The following OSBPL6 variants were observed in gnomAD, a reference collection of about 807,000 sequenced individuals.
OSBPL6 encodes the protein oxysterol-binding protein-related protein 6.
Under a neutral mutation model 125.8 loss-of-function variants are expected in OSBPL6, and 49 were observed. That is an observed-to-expected ratio of 0.39 (90% confidence interval 0.31 to 0.49). The LOEUF is 0.49. Among genes scored for constraint, OSBPL6 ranks in the 20% least tolerant of loss-of-function variants. OSBPL6 has a pLI of 0.88. For synonymous variants in OSBPL6, 394 were observed against 391.8 expected, an observed-to-expected ratio of 1.01 and a Z score of -0.07; for missense variants, 986 against 1,135.4, an observed-to-expected ratio of 0.87 and a Z score of 1.89.
In OSBPL6 at chr2:178,401,579, A is replaced by G. The variant is rs914401477; in HGVS notation, c.*6020A>G. 9 of 152,254 alleles carry G rather than the reference A, an allele frequency of 5.9e-5. No homozygotes were observed. Among genetic ancestry groups the G allele is most frequent in the Admixed American group, 3.3e-4 (5 of 15,294 alleles). The allele number at this position is 152,254 out of a possible 1,614,324, so 9.4% of individuals were successfully genotyped here. A position where few individuals can be genotyped will look rare whatever the true frequency, so the allele number is the denominator to read the frequency against. On this transcript the variant is annotated 3_prime_UTR_variant, in exon 25 of 25. Coordinates refer to ENST00000190611, the MANE Select transcript of OSBPL6 (RefSeq NM_032523.4). ...AATGGTTAACATGAAATGCTAATGAAGAAACAAGGCAAGAATGAATACAAG... is the reference window on the plus strand; with the variant it reads ...AATGGTTAACATGAAATGCTAATGAGGAAACAAGGCAAGAATGAATACAAG...
intron 1 of OSBPL6, among the ~76,000 whole-genome samples, chr2:178,235,398 CTTTTTTTTTTT>C (rs540269327): frequency 1.3e-5 from 1 of 78,040 alleles, no homozygotes; most frequent in Non-Finnish European, 2.4e-5. Flanking sequence ...CTTTTCTTTT[CTTTTTTTTTTT>C]TTTTTTTTTT....
chr2:178,229,326 T>G (rs1045944331), intron 1 of OSBPL6, among the ~76,000 whole-genome samples: 1 of 152,176 alleles, frequency 6.6e-6, no homozygotes, highest in Non-Finnish European at 1.5e-5. Flanking sequence ...AGACCGTGCA[T>G]GGTGTTTAAA....
At chr2:178,387,258 C>A in intron 20 of OSBPL6, 119 bp downstream of exon 20, 1 of 738,312 alleles carries the variant, frequency 1.4e-6, no homozygotes, top group South Asian at 2.0e-5. Flanking sequence ...CTTCTGTTAC[C>A]TTTGCCAAAG....
intron 3 of OSBPL6, among the ~76,000 whole-genome samples, chr2:178,310,639 G>A (rs1356343838): frequency 6.6e-6 from 1 of 151,594 alleles, no homozygotes; most frequent in South Asian, 2.1e-4. Context: ...GGATGGTCTC[G>A]ATCTCCTGAC....
chr2:178,331,649 C>A, intron 6 of OSBPL6, 44 bp downstream of exon 6: 1 of 1,591,380 alleles, frequency 6.3e-7, no homozygotes, highest in Non-Finnish European at 8.6e-7. Context: ...ATTTCGAATT[C>A]TGCTTGAAGT....
intron 2 of OSBPL6, among the ~76,000 whole-genome samples, chr2:178,297,062 C>A (rs1685820471): frequency 6.6e-6 from 1 of 152,134 alleles, no homozygotes; most frequent in South Asian, 2.1e-4. Flanking sequence ...GCTAACCCAT[C>A]AGTGGTGTTT....
intron 3 of OSBPL6, among the ~76,000 whole-genome samples, chr2:178,322,054 C>T (rs561752375): frequency 6.6e-5 from 10 of 152,132 alleles, no homozygotes; most frequent in South Asian, 2.1e-4. Flanking sequence ...AGTATCCCCT[C>T]GTATCTATAC....
chr2:178,262,950 C>T (rs554725992), intron 1 of OSBPL6, among the ~76,000 whole-genome samples: 181 of 152,198 alleles, frequency 1.2e-3, no homozygotes, highest in African/African-American at 3.9e-3. Context: ...ATCCAAATTC[C>T]ATATAGTACT....
At chr2:178,199,401 T>C (rs1311981138) in intron 1 of OSBPL6, among the ~76,000 whole-genome samples, 1 of 152,192 alleles carries the variant, frequency 6.6e-6, no homozygotes, top group Non-Finnish European at 1.5e-5. Context: ...GAGGGAATGC[T>C]TGGGTATTTA....
chr2:178,205,591 A>G (rs1279768150), intron 1 of OSBPL6, among the ~76,000 whole-genome samples: 3 of 152,240 alleles, frequency 2.0e-5, no homozygotes, highest in Admixed American at 1.3e-4. Flanking sequence ...AAGGAAAACA[A>G]TAGACAAATG....
At chr2:178,210,849 C>CA (rs1491232760) in intron 1 of OSBPL6, among the ~76,000 whole-genome samples, 271 of 141,784 alleles carry the variant, frequency 1.9e-3, no homozygotes, top group East Asian at 0.012. Flanking sequence ...CACACACACA[C>CA]CCCTCTCTGC....
At chr2:178,382,014 T>C (rs749235354) in intron 15 of OSBPL6, among the ~76,000 whole-genome samples, 8 of 152,328 alleles carry the variant, frequency 5.3e-5, no homozygotes, top group Middle Eastern at 3.4e-3. Flanking sequence ...GTTTAAATAT[T>C]GCCCCCTGGG....
At chr2:178,269,139 T>C (rs1177090387) in intron 1 of OSBPL6, among the ~76,000 whole-genome samples, 1 of 152,176 alleles carries the variant, frequency 6.6e-6, no homozygotes, top group African/African-American at 2.4e-5. Context: ...CAGTTTATTA[T>C]AAAGGATACA....
intron 11 of OSBPL6, chr2:178,344,394 TA>T: frequency 1.2e-6 from 2 of 1,601,516 alleles, no homozygotes; most frequent in Non-Finnish European, 1.7e-6. Flanking sequence ...GGAAGTTTAA[TA>T]AGAATGAGAA....
At chr2:178,234,884 AAAACCTGGG>A (rs2090984196) in intron 1 of OSBPL6, among the ~76,000 whole-genome samples, 1 of 152,184 alleles carries the variant, frequency 6.6e-6, no homozygotes, top group African/African-American at 2.4e-5. Flanking sequence ...GAAGCTCCCT[AAAACCTGGG>A]AACCACTGTT....
intron 15 of OSBPL6, among the ~76,000 whole-genome samples, chr2:178,380,451 T>G: frequency 1.0e-5 from 1 of 98,138 alleles, no homozygotes; most frequent in Non-Finnish European, 1.9e-5. Flanking sequence ...AGTAAGAGTC[T>G]GTCTCAAAAA....
At chr2:178,333,785 G>A (rs903918286) in intron 8 of OSBPL6, among the ~76,000 whole-genome samples, 1 of 152,194 alleles carries the variant, frequency 6.6e-6, no homozygotes, top group Non-Finnish European at 1.5e-5. Flanking sequence ...TCTCCATGAA[G>A]TAATTACATG....
At chr2:178,276,014 ATTGAG>A (rs1350003491) in intron 1 of OSBPL6, among the ~76,000 whole-genome samples, 2 of 152,228 alleles carry the variant, frequency 1.3e-5, no homozygotes, top group Admixed American at 6.5e-5. Flanking sequence ...AGCAAATGTA[ATTGAG>A]TTAAGATAGT....
intron 11 of OSBPL6, among the ~76,000 whole-genome samples, chr2:178,342,420 A>G (rs1377867840): frequency 6.6e-6 from 1 of 152,160 alleles, no homozygotes; most frequent in East Asian, 1.9e-4. Flanking sequence ...AAAATGAAAA[A>G]CATGTTATAC....
Sources: allele counts gnomAD v4.1 joint callset (sites outside exome capture counted in the v4.1 genomes callset), GRCh38; gene constraint gnomAD v4.1.1; transcripts MANE v1.5; gene names NCBI Gene and HGNC (gene_info 2026-07-23, HGNC 2026-07-21).